The following ZNF570 variants were observed in gnomAD, a reference collection of about 807,000 sequenced individuals.
ZNF570 encodes zinc finger protein 570.
Under a neutral mutation model 14.2 loss-of-function variants are expected in ZNF570, and 8 were observed. The observed-to-expected ratio is 0.56, with a 90% CI of 0.33 to 1.02. The LOEUF is 1.02. ZNF570 is among the 50% of genes least tolerant of loss of function. ZNF570 has a pLI of 0.03. For missense variants in ZNF570, 559 were observed against 624.9 expected, an observed-to-expected ratio of 0.89 and a Z score of 1.12; for synonymous variants, 202 against 207.6, an observed-to-expected ratio of 0.97 and a Z score of 0.23.
chr19:37,476,120 T>G lies in ZNF570; in HGVS notation c.160+113T>G. ...AATTTGGCTGAATGTCTGCTGCCTA[T>G]GCCAAACAAATGGCTTAGTGTTTGT... On this transcript the variant is annotated intron_variant, in intron 3 of 4. Coordinates refer to ENST00000330173, the MANE Select transcript of ZNF570 (RefSeq NM_144694.5). 3 of 1,451,272 alleles carry G rather than the reference T, an allele frequency of 2.1e-6. No individual in the cohort carries two copies. In the South Asian group the frequency reaches 4.2e-5, roughly 20 times the overall value. The allele number at this position is 1,451,272 out of a possible 1,614,324, so 89.9% of individuals were successfully genotyped here.
At chr19:37,480,067 TCTC>T (rs2042069404) in intron 4 of ZNF570, among the ~76,000 whole-genome samples, 1 of 152,218 alleles carries the variant, frequency 6.6e-6, no homozygotes, top group Admixed American at 6.5e-5. Flanking sequence ...TTTTTCTCCA[TCTC>T]CTAATTTGAA....
intron 2 of ZNF570, among the ~76,000 whole-genome samples, chr19:37,474,909 ACCTGGAATC>A (rs2042006320): frequency 6.6e-6 from 1 of 151,300 alleles, no homozygotes; most frequent in Admixed American, 6.6e-5. Flanking sequence ...CATTATAGAA[ACCTGGAATC>A]CAGTGGCATC....
Position 37,485,099 on chromosome 19 carries a change from A to G in ZNF570, c.1477A>G (p.Thr493Ala). The G allele has an allele frequency of 1.9e-6, 3 of 1,614,082 alleles. 1 individual carries two copies. The highest frequency in any genetic ancestry group is 4.5e-5 in the East Asian group (2 of 44,870). Residue 493 changes from threonine (T) to alanine (A), a missense_variant, in exon 5 of 5, where the codon ACT (threonine) becomes GCT (alanine). Transcript: ENST00000330173. ...CCTTGCCCAACATCAGAGAATTCAT[A>G]CTGGAGAGAGACCCTATGAATGTAA... Reference protein sequence around the residue: ...GSLAQHQRIHTGERPYECKEC... With the variant: ...GSLAQHQRIHAGERPYECKEC...
chr19:37,468,037 C>A, upstream of ZNF570: 1 of 1,012,412 alleles, frequency 9.9e-7, no homozygotes, highest in Non-Finnish European at 1.5e-6. Flanking sequence ...TGTGTCATCT[C>A]AGACTAGGTA....
chr19:37,484,901 G>A lies in ZNF570; in HGVS notation c.1279G>A (p.Ala427Thr), dbSNP rs144042976. 8.2e-5 allele frequency: 133 copies of A among 1,613,734 alleles called. No homozygotes were observed. The highest frequency in any genetic ancestry group is 1.3e-4 in the East Asian group (6 of 44,870). ...ATGTAGGAAAGCATTCAGCCAGATT[G>A]CCTACCTTGCTCAGCATCAAAGAGT... ...QECRKAFSQIAYLAQHQRVHT... is the reference protein window; with the variant it reads ...QECRKAFSQITYLAQHQRVHT... Residue 427 changes from alanine to threonine, a missense_variant, in exon 5 of 5, where the codon GCC (alanine) becomes ACC (threonine). Ala to Thr is a moderately conservative substitution (Grantham distance 58). Transcript: ENST00000330173.
chr19:37,469,042 C>T (rs1284926021), upstream of ZNF570: 28 of 991,450 alleles, frequency 2.8e-5, no homozygotes, highest in Admixed American at 1.6e-3. Context: ...GGGAGGCGCG[C>T]AGAGCGCTTG....
At position 37,485,557 on chromosome 19, in the gene ZNF570, G is replaced by A. The variant is rs1477355181; in HGVS notation, c.*324G>A. The A allele has an allele frequency of 9.1e-6, 2 of 218,592 alleles. No individual in the cohort carries two copies. Among genetic ancestry groups the A allele is most frequent in the Non-Finnish European group, 1.8e-5 (2 of 111,010 alleles). 13.5% of individuals were successfully genotyped at this position (218,592 alleles called of 1,614,324 possible). ...ATGCATCAGCCTCCCGAGTAGCTGG[G>A]ACTATAGACATGCACCACCATGCCT... On this transcript the variant is annotated 3_prime_UTR_variant, in exon 5 of 5. Coordinates refer to ENST00000330173, the MANE Select transcript of ZNF570 (RefSeq NM_144694.5).
Position 37,487,397 on chromosome 19 carries a change from A to C in ZNF570, c.*2164A>C. 6.6e-6 allele frequency: 1 copy of C among 152,104 alleles called. No individual in the cohort carries two copies. Among genetic ancestry groups the C allele is most frequent in the East Asian group, 1.9e-4 (1 of 5,200 alleles). The allele number at this position is 152,104 out of a possible 1,614,324, so 9.4% of individuals were successfully genotyped here. On this transcript the variant is annotated 3_prime_UTR_variant, in exon 5 of 5. Coordinates refer to ENST00000330173, the MANE Select transcript of ZNF570 (RefSeq NM_144694.5). ...AAACAGATAGATACACAAATAATAT[A>C]GGCATTCATTCTGTTAATATTGAGT... is the stretch of plus-strand genomic sequence containing the variant.
chr19:37,469,344 G>A, upstream of ZNF570: 3 of 1,417,762 alleles, frequency 2.1e-6, no homozygotes, highest in Non-Finnish European at 2.8e-6. Context: ...CGGGGGCGGA[G>A]GCAGCTGAGG....
At position 37,488,217 on chromosome 19, in the gene ZNF570, T is replaced by G. The variant is rs1267587371; in HGVS notation, c.*2984T>G. ...TCTAACCATTAGGTTAAATACAAGA[T>G]AGAATGCAAACTAAAATGAATAACT... On this transcript the variant is annotated 3_prime_UTR_variant, in exon 5 of 5. Coordinates refer to ENST00000330173, the MANE Select transcript of ZNF570 (RefSeq NM_144694.5). 6.6e-6 allele frequency: 1 copy of G among 152,170 alleles called. No individual in the cohort carries two copies. The highest frequency in any genetic ancestry group is 2.4e-5 in the African/African-American group (1 of 41,448). The allele number at this position is 152,170 out of a possible 1,614,324, so 9.4% of individuals were successfully genotyped here.
intron 4 of ZNF570, among the ~76,000 whole-genome samples, chr19:37,477,496 C>T (rs377457231): frequency 2.6e-5 from 4 of 151,552 alleles, no homozygotes; most frequent in African/African-American, 4.9e-5. Context: ...CCCACCACCA[C>T]GCCTGGCTAA....
At chr19:37,471,235 G>A (rs376634585) in intron 2 of ZNF570, among the ~76,000 whole-genome samples, 286 of 149,636 alleles carry the variant, frequency 1.9e-3, no homozygotes, top group African/African-American at 6.7e-3. Flanking sequence ...GGATGGTCTC[G>A]ATCTCCTGAC....
chr19:37,475,564 G>A (rs539879845), intron 2 of ZNF570, among the ~76,000 whole-genome samples: 1 of 152,236 alleles, frequency 6.6e-6, no homozygotes, highest in African/African-American at 2.4e-5. Context: ...TGGGGATAAA[G>A]CAGTGACCAA....
chr19:37,472,121 G>A (rs2041972556), intron 2 of ZNF570, among the ~76,000 whole-genome samples: 1 of 151,958 alleles, frequency 6.6e-6, no homozygotes, highest in South Asian at 2.1e-4. Context: ...TGGCCAGGAT[G>A]GTCTCTATCT....
chr19:37,468,545 G>C (rs1286647785), upstream of ZNF570, among the ~76,000 whole-genome samples: 2 of 152,186 alleles, frequency 1.3e-5, no homozygotes, highest in African/African-American at 4.8e-5. Context: ...GCTCAGGCTG[G>C]AGTGCAGTGG....
intron 4 of ZNF570, among the ~76,000 whole-genome samples, chr19:37,482,605 G>A (rs886194205): frequency 1.3e-5 from 2 of 152,118 alleles, no homozygotes; most frequent in Admixed American, 6.5e-5. Context: ...ATTTCAACAC[G>A]AGATTTGGAT....
intron 2 of ZNF570, among the ~76,000 whole-genome samples, chr19:37,473,413 C>G (rs1225937567): frequency 6.6e-6 from 1 of 151,940 alleles, no homozygotes; most frequent in East Asian, 1.9e-4. Context: ...GTGATTATAA[C>G]AGGTGGTTGT....
chr19:37,484,117 T>C lies in ZNF570; in HGVS notation c.495T>C (p.Tyr165=). 1 of 1,613,954 alleles carries C rather than the reference T, an allele frequency of 6.2e-7. No homozygotes were observed. Among genetic ancestry groups the C allele is most frequent in the Admixed American group, 1.7e-5 (1 of 60,000 alleles). ...EPLFDEREQE[Y]KSWGSFHQNP... The stretch of plus-strand genomic sequence containing the variant: ...TTTTTGATGAGAGAGAACAAGAATA[T>C]AAATCTTGGGGAAGTTTTCATCAGA... Residue 165 remains tyrosine, a synonymous_variant, in exon 5 of 5, where the codon TAT becomes TAC. Transcript: ENST00000330173.
At chr19:37,480,634 A>G (rs984071713) in intron 4 of ZNF570, among the ~76,000 whole-genome samples, 1 of 151,916 alleles carries the variant, frequency 6.6e-6, no homozygotes, top group African/African-American at 2.4e-5. Flanking sequence ...AATTTAGACC[A>G]TATTATATTT....
Sources: gnomAD v4.1 joint callset for allele counts (sites outside exome capture counted in the v4.1 genomes callset) on GRCh38, gnomAD v4.1.1 for gene constraint, MANE v1.5 for transcripts, NCBI Gene and HGNC (gene_info 2026-07-23, HGNC 2026-07-21) for gene names.